Variants in SAMD12 observed in about 807,000 individuals in gnomAD.
The protein encoded by SAMD12 is sterile alpha motif domain containing 12.
SAMD12 carries 9 observed loss-of-function variants against 15.0 expected under a neutral mutation model. The ratio of observed to expected loss-of-function variants is 0.60; its 90% CI spans 0.36 to 1.05. The LOEUF is 1.05. Among genes scored for constraint, SAMD12 ranks in the 50% least tolerant of loss-of-function variants. The probability of loss-of-function intolerance (pLI) is 0.01; values close to 1 mark genes in which losing one functional copy is unlikely to be tolerated. For synonymous variants in SAMD12, 86 were observed against 90.1 expected, an observed-to-expected ratio of 0.96 and a Z score of 0.25; for missense variants, 230 against 234.2, an observed-to-expected ratio of 0.98 and a Z score of 0.12.
chr8:118,382,923 T>A (rs915837097), intron 3 of SAMD12, among the ~76,000 whole-genome samples: 1 of 152,214 alleles, frequency 6.6e-6, no homozygotes, highest in Non-Finnish European at 1.5e-5. Context: ...TTCACGGTCT[T>A]CTTTGGATGG....
At chr8:118,170,837 T>C in the SAMD12 span, among the ~76,000 whole-genome samples, 6 of 152,188 alleles carry the variant, frequency 3.9e-5, no homozygotes, top group African/African-American at 1.2e-4. Context: ...TGGACTACAC[T>C]AAAATTAAGA....
intron 2 of SAMD12, among the ~76,000 whole-genome samples, chr8:118,556,270 A>C (rs1299916817): frequency 1.3e-5 from 2 of 152,228 alleles, no homozygotes; most frequent in African/African-American, 2.4e-5. Context: ...TCAATAATCC[A>C]ATGTTCATCT....
At chr8:118,193,044 A>G (rs995936032) in exon 5 of SAMD12, 18 of 152,346 alleles carry the variant, frequency 1.2e-4, no homozygotes, top group African/African-American at 4.3e-4. Flanking sequence ...AACTAGCCCT[A>G]TGCCTGATGG....
chr8:118,177,889 A>G, the SAMD12 span, among the ~76,000 whole-genome samples: 1 of 152,212 alleles, frequency 6.6e-6, no homozygotes, highest in Non-Finnish European at 1.5e-5. Context: ...TCAGAATCCC[A>G]GGTGGCTGAC....
intron 3 of SAMD12, among the ~76,000 whole-genome samples, chr8:118,425,957 G>A (rs1274174078): frequency 2.0e-5 from 3 of 152,034 alleles, no homozygotes; most frequent in East Asian, 1.9e-4. Context: ...AACATTTTCC[G>A]GTGCCCCTGT....
chr8:118,366,673 G>A lies in SAMD12; in HGVS notation c.433+12887C>T, dbSNP rs575534752. Among the ~76,000 whole-genome samples the A allele has an allele frequency of 5.3e-3, 801 of 151,700 alleles. 7 individuals carry two copies. Among genetic ancestry groups the A allele is most frequent in the African/African-American group, 0.019 (767 of 41,404 alleles). On this transcript the variant is annotated intron_variant, in intron 4 of 4. Coordinates refer to the SAMD12 transcript ENST00000409003. ...ACTAAAAATACAAAATTAGCTGGGCGTGGTGGCACATGCCTGTAATCCCAG... is the reference window on the plus strand; with the variant it reads ...ACTAAAAATACAAAATTAGCTGGGCATGGTGGCACATGCCTGTAATCCCAG...
chr8:118,378,013 T>C lies in SAMD12; in HGVS notation c.*1404A>G, dbSNP rs969028017. 1 of 152,226 alleles carries C rather than the reference T, an allele frequency of 6.6e-6. No individual in the cohort carries two copies. The highest frequency in any genetic ancestry group is 2.4e-5 in the African/African-American group (1 of 41,464). 9.4% of individuals were successfully genotyped at this position (152,226 alleles called of 1,614,324 possible). ...CCCACAATCCAGAGAGATCCTTTAT[T>C]AAAATGGTTGGCATATTTACTTGCA... is the stretch of plus-strand genomic sequence containing the variant. On this transcript the variant is annotated 3_prime_UTR_variant, in exon 4 of 4. Coordinates refer to ENST00000314727, the MANE Select transcript of SAMD12 (RefSeq NM_207506.3).
chr8:118,354,926 C>T lies in SAMD12; in HGVS notation c.433+24634G>A, dbSNP rs546818676. Among the ~76,000 whole-genome samples, 5 of 152,286 alleles carry T rather than the reference C, an allele frequency of 3.3e-5. No homozygotes were observed. The South Asian group carries it at 1.0e-3, about 32-fold the overall frequency. On this transcript the variant is annotated intron_variant, in intron 4 of 4. Transcript: ENST00000409003. The stretch of plus-strand genomic sequence containing the variant: ...TAAAAATACTGACTTGGATAATAAC[C>T]ATAAATATTTCTCAGCAGAACATTT...
intron 4 of SAMD12, among the ~76,000 whole-genome samples, chr8:118,250,595 T>A (rs1812798241): frequency 6.6e-6 from 1 of 151,522 alleles, no homozygotes; most frequent in Admixed American, 6.6e-5. Context: ...CTCCACCTCA[T>A]AGGTTTAAGC....
intron 4 of SAMD12, among the ~76,000 whole-genome samples, chr8:118,237,168 A>G (rs1486595502): frequency 6.6e-6 from 1 of 152,158 alleles, no homozygotes; most frequent in Non-Finnish European, 1.5e-5. Context: ...AATGGTTGAC[A>G]TTGTCCATGA....
the SAMD12 span, among the ~76,000 whole-genome samples, chr8:118,183,718 T>C: frequency 6.6e-6 from 1 of 152,288 alleles, no homozygotes; most frequent in East Asian, 1.9e-4. Context: ...AAGTGGTTTT[T>C]GGCTACCTGG....
chr8:118,402,545 C>A (rs1416428883), intron 3 of SAMD12, among the ~76,000 whole-genome samples: 1 of 152,146 alleles, frequency 6.6e-6, no homozygotes, highest in African/African-American at 2.4e-5. Context: ...CTTATGGGGT[C>A]AAAGACTGAA....
chr8:118,291,773 A>T (rs1000324940), intron 4 of SAMD12, among the ~76,000 whole-genome samples: 2 of 151,382 alleles, frequency 1.3e-5, no homozygotes, highest in African/African-American at 4.8e-5. Flanking sequence ...TGAAGCCACA[A>T]GCTGCTTCCT....
chr8:118,307,709 T>G (rs1000763988), intron 4 of SAMD12, among the ~76,000 whole-genome samples: 15 of 152,042 alleles, frequency 9.9e-5, no homozygotes, highest in African/African-American at 2.9e-4. Flanking sequence ...AAGCTGGGGG[T>G]GTGTGTGCTA....
chr8:118,264,498 G>T (rs115477221), intron 4 of SAMD12, among the ~76,000 whole-genome samples: 1,819 of 152,202 alleles, frequency 0.012, 35 homozygotes, highest in African/African-American at 0.041. Flanking sequence ...CAGAGCTGAC[G>T]GTTCTCTAAA....
At chr8:118,487,051 G>C (rs7815386) in intron 2 of SAMD12, among the ~76,000 whole-genome samples, 42,822 of 152,028 alleles carry the variant, frequency 0.28, 9,209 homozygotes, top group African/African-American at 0.61. Flanking sequence ...TGGGTGACAT[G>C]GTCTTACCAG....
rs562798364 is a variant in SAMD12 at position 118,414,370 on chromosome 8, C to T, written c.322+25462G>A. ...CCTGCCAAAAATCACATTTTAGTGA[C>T]AATGTACCACATCTAATTTTTTTTT... On this transcript the variant is annotated intron_variant, in intron 3 of 3. Transcript: ENST00000314727. 4.1e-5 allele frequency among the ~76,000 whole-genome samples: 6 copies of T among 147,052 alleles called. No homozygotes were observed. The South Asian group carries it at 1.3e-3, about 33-fold the overall frequency.
intron 4 of SAMD12, among the ~76,000 whole-genome samples, chr8:118,343,069 AC>A (rs1339169681): frequency 6.6e-6 from 1 of 151,930 alleles, no homozygotes; most frequent in Non-Finnish European, 1.5e-5. Context: ...CCCTCTCAAG[AC>A]CTCAGTTTCC....
chr8:118,600,443 A>G (rs1372557649), intron 1 of SAMD12, among the ~76,000 whole-genome samples: 1 of 152,168 alleles, frequency 6.6e-6, no homozygotes, highest in Non-Finnish European at 1.5e-5. Context: ...TAGATGGTAA[A>G]TATTTCAGGC....
Sources: allele counts gnomAD v4.1 joint callset (sites outside exome capture counted in the v4.1 genomes callset), GRCh38; gene constraint gnomAD v4.1.1; transcripts MANE v1.5; gene names NCBI Gene and HGNC (gene_info 2026-07-23, HGNC 2026-07-21).